The following NRK variants were observed in gnomAD, a reference collection of about 807,000 sequenced individuals.
NRK encodes nik-related protein kinase.
In NRK, 67 loss-of-function variants were observed where a neutral mutation model predicts 125.2. The observed-to-expected ratio is 0.54, with a 90% confidence interval of 0.44 to 0.66. NRK has a LOEUF of 0.66. Among genes scored for constraint, NRK ranks in the 30% least tolerant of loss-of-function variants. The pLI is 0.00. For missense variants in NRK, 1,224 were observed against 1,192.9 expected, an observed-to-expected ratio of 1.03 and a Z score of -0.38; for synonymous variants, 458 against 429.0, an observed-to-expected ratio of 1.07 and a Z score of -0.84.
intron 2 of NRK, among the ~76,000 whole-genome samples, chrX:105,864,482 C>T: frequency 9.0e-6 from 1 of 111,687 alleles, no homozygotes; most frequent in Middle Eastern, 4.7e-3. Flanking sequence ...GAAATCAGAT[C>T]TTTCCAGAAA....
intron 2 of NRK, among the ~76,000 whole-genome samples, chrX:105,853,890 T>C (rs1220430692): frequency 8.9e-6 from 1 of 112,220 alleles, no homozygotes; most frequent in Non-Finnish European, 1.9e-5. Context: ...TAGGTACTTT[T>C]CCTTGTTTTG....
intron 4 of NRK, among the ~76,000 whole-genome samples, chrX:105,885,646 C>T (rs1381609428): frequency 9.0e-6 from 1 of 111,681 alleles, no homozygotes; most frequent in Non-Finnish European, 1.9e-5. Flanking sequence ...TACAAGCAGA[C>T]ATCACTGAAA....
At chrX:105,908,496 G>A (rs753676614) in intron 12 of NRK, among the ~76,000 whole-genome samples, 193 bp downstream of exon 12, 2 of 112,007 alleles carry the variant, frequency 1.8e-5, no homozygotes, top group African/African-American at 6.5e-5. Context: ...TTAATATCTG[G>A]CAAGTGAAGA....
intron 2 of NRK, among the ~76,000 whole-genome samples, chrX:105,863,146 A>G (rs1394272883): frequency 8.9e-6 from 1 of 112,034 alleles, no homozygotes; most frequent in African/African-American, 3.2e-5. Context: ...TCTGAAACGC[A>G]AGAAGTAAAG....
intron 2 of NRK, among the ~76,000 whole-genome samples, chrX:105,831,426 G>A (rs2039190852): frequency 8.9e-6 from 1 of 112,160 alleles, no homozygotes; most frequent in Admixed American, 9.5e-5. Flanking sequence ...TTGTCTTATA[G>A]TATACATCCA....
chrX:105,859,105 A>G (rs1042350164), intron 2 of NRK, among the ~76,000 whole-genome samples: 1 of 111,668 alleles, frequency 9.0e-6, no homozygotes, highest in African/African-American at 3.3e-5. Context: ...TTTTCTAAAT[A>G]TTTTACTGTC....
intron 9 of NRK, among the ~76,000 whole-genome samples, chrX:105,902,364 T>C (rs928079133): frequency 5.4e-5 from 6 of 111,603 alleles, no homozygotes; most frequent in Non-Finnish European, 1.1e-4. Flanking sequence ...ACATTTCTCT[T>C]TTACCGGTGT....
rs1186720077 is a variant in NRK, at chrX:105,955,530, A to G, written c.4679A>G (p.Asn1560Ser). 2 of 1,193,284 alleles carry G rather than the reference A, an allele frequency of 1.7e-6. No individual in the cohort carries two copies. The highest frequency in any genetic ancestry group is 1.7e-5 in the African/African-American group (1 of 57,440). The change falls in exon 29 of 29, where the codon AAT becomes AGT. Residue 1560 changes from asparagine (N) to serine (S), a missense_variant. Asn to Ser is a conservative substitution (Grantham distance 46). Coordinates refer to ENST00000243300, the MANE Select transcript of NRK (RefSeq NM_198465.4). ...CTGTTCTTTACCTCTACCCTGCGCA[A>G]TCACCACAGCCGGGTTTACTTCATG... The part of the protein sequence containing the change: ...DKLFFTSTLR[N>S]HHSRVYFMTL...
intron 2 of NRK, among the ~76,000 whole-genome samples, chrX:105,854,214 A>G (rs1206054911): frequency 3.6e-5 from 4 of 112,155 alleles, no homozygotes; most frequent in Non-Finnish European, 7.5e-5. Flanking sequence ...GATAGAATTT[A>G]CGTAGTGAGA....
chrX:105,906,147 CA>C (rs1482174042), intron 10 of NRK, among the ~76,000 whole-genome samples: 5 of 111,463 alleles, frequency 4.5e-5, no homozygotes, highest in African/African-American at 1.6e-4. Context: ...GAGTTTTTAC[CA>C]GGTACATACA....
rs147274717 is a variant in NRK, at chrX:105,899,005, A to C, written c.711+291A>C. On this transcript the variant is annotated intron_variant, in intron 8 of 28. Transcript: ENST00000243300. ...TTGGTAAAAATATTATATAATGTGG[A>C]TTTATATGTATATAAAAATTTAACT... 1.0e-3 allele frequency among the ~76,000 whole-genome samples: 112 copies of C among 111,682 alleles called. No homozygotes were observed. The East Asian group carries it at 0.022, about 22-fold the overall frequency.
At chrX:105,931,910 T>C (rs763353889) in intron 19 of NRK, among the ~76,000 whole-genome samples, 5 of 111,962 alleles carry the variant, frequency 4.5e-5, no homozygotes, top group Non-Finnish European at 7.5e-5. Flanking sequence ...CAGTTGGATT[T>C]ATTACATTCA....
intron 19 of NRK, among the ~76,000 whole-genome samples, chrX:105,928,647 CT>C (rs766066707): frequency 9.0e-6 from 1 of 111,229 alleles, no homozygotes; most frequent in Non-Finnish European, 1.9e-5. Flanking sequence ...TCTCTTACTA[CT>C]GCTTTTGCTG....
At chrX:105,891,922 T>C (rs2040020524) in intron 5 of NRK, among the ~76,000 whole-genome samples, 1 of 112,108 alleles carries the variant, frequency 8.9e-6, no homozygotes, top group Non-Finnish European at 1.9e-5. Context: ...TTTTTTGGCA[T>C]ATACCATTTG....
rs201914052 is a variant in NRK at position 105,898,641 on chromosome X, T to C, written c.638T>C (p.Ile213Thr). The change falls in exon 8 of 29, where the codon ATT (isoleucine) becomes ACT (threonine). Residue 213 changes from isoleucine (I) to threonine (T), a missense_variant. Coordinates refer to ENST00000243300, the MANE Select transcript of NRK (RefSeq NM_198465.4). ...ACTAATGGAAGAAGGAATAGTTTCATTGGGACACCATACTGGATGGCACCT... is the reference window on the plus strand; with the variant it reads ...ACTAATGGAAGAAGGAATAGTTTCACTGGGACACCATACTGGATGGCACCT... ...SRTNGRRNSF[I>T]GTPYWMAPEV... 210 of 1,197,884 alleles carry C rather than the reference T, an allele frequency of 1.8e-4. No homozygotes were observed. Among genetic ancestry groups the C allele is most frequent in the East Asian group, 7.5e-4 (25 of 33,435 alleles).
intron 11 of NRK, chrX:105,907,411 G>A (rs2040234740): frequency 9.0e-6 from 1 of 111,686 alleles, no homozygotes; most frequent in South Asian, 3.7e-4. Context: ...TGAAAAAGCA[G>A]GCATCCTCAG....
At chrX:105,864,161 A>G (rs2039640033) in intron 2 of NRK, among the ~76,000 whole-genome samples, 1 of 112,010 alleles carries the variant, frequency 8.9e-6, no homozygotes, top group South Asian at 3.7e-4. Context: ...ACACTTGTAA[A>G]TCTTCATAGA....
chrX:105,845,787 T>C (rs1182950611), intron 2 of NRK, among the ~76,000 whole-genome samples: 1 of 111,676 alleles, frequency 9.0e-6, no homozygotes, highest in Non-Finnish European at 1.9e-5. Context: ...CCAGAACAGC[T>C]GCTACTCCTC....
At chrX:105,921,242 A>G (rs1172500716) in intron 16 of NRK, among the ~76,000 whole-genome samples, 1 of 105,361 alleles carries the variant, frequency 9.5e-6, no homozygotes, top group Non-Finnish European at 1.9e-5. Flanking sequence ...CAAAAAACCA[A>G]ACACCGCATA....
Sources: gnomAD v4.1 joint callset for allele counts (sites outside exome capture counted in the v4.1 genomes callset) on GRCh38, gnomAD v4.1.1 for gene constraint, MANE v1.5 for transcripts, NCBI Gene and HGNC (gene_info 2026-07-23, HGNC 2026-07-21) for gene names.